EPM2A: variants seen among roughly 807,000 people sequenced by gnomAD.
The protein encoded by EPM2A is EPM2A glucan phosphatase, laforin.
A neutral mutation model predicts 26.5 loss-of-function variants in EPM2A; 21 were observed. The observed-to-expected ratio is 0.79, with a 90% CI of 0.56 to 1.14. EPM2A has a LOEUF of 1.14. Among genes scored for constraint, EPM2A ranks in the 50% most tolerant of loss-of-function variants. The pLI is 0.00. For missense variants in EPM2A, 458 were observed against 440.8 expected (o/e 1.04, Z -0.35); for synonymous variants, 217 against 177.6 (o/e 1.22, Z -1.76).
chr6:145,652,023 C>G (rs1777919039), intron 2 of EPM2A, among the ~76,000 whole-genome samples: 1 of 152,060 alleles, frequency 6.6e-6, no homozygotes, highest in Admixed American at 6.6e-5. Flanking sequence ...CTAAATAATT[C>G]AATTTTCTGA....
intron 2 of EPM2A, among the ~76,000 whole-genome samples, chr6:145,668,850 C>A (rs532134713): frequency 6.6e-6 from 1 of 152,286 alleles, no homozygotes; most frequent in South Asian, 2.1e-4. Context: ...CTATTTTCAT[C>A]AGTGTGGATC....
At chr6:145,572,261 C>T (rs1187411506) in intron 2 of EPM2A, among the ~76,000 whole-genome samples, 1 of 152,178 alleles carries the variant, frequency 6.6e-6, no homozygotes, top group African/African-American at 2.4e-5. Context: ...GTGAACCAGA[C>T]CCTAGTCTTC....
At chr6:145,603,257 A>G (rs1019549199) in intron 2 of EPM2A, among the ~76,000 whole-genome samples, 1 of 150,192 alleles carries the variant, frequency 6.7e-6, no homozygotes, top group Non-Finnish European at 1.5e-5. Flanking sequence ...ACTACTTAGA[A>G]GAGAATCTGT....
At chr6:145,567,763 T>C (rs1449971443) in intron 2 of EPM2A, among the ~76,000 whole-genome samples, 6 of 152,234 alleles carry the variant, frequency 3.9e-5, no homozygotes, top group African/African-American at 1.2e-4. Flanking sequence ...AGCAAGATCA[T>C]GCCAAAGAAA....
chr6:145,676,613 A>G (rs1278004749), intron 2 of EPM2A, among the ~76,000 whole-genome samples: 1 of 152,058 alleles, frequency 6.6e-6, no homozygotes, highest in Non-Finnish European at 1.5e-5. Flanking sequence ...ACCGATCCCA[A>G]AAAAATACAA....
At chr6:145,609,285 A>C (rs1775339860) in intron 2 of EPM2A, among the ~76,000 whole-genome samples, 1 of 152,198 alleles carries the variant, frequency 6.6e-6, no homozygotes, top group South Asian at 2.1e-4. Context: ...AGCCGCCAAT[A>C]ATCTTGGAAC....
intron 1 of EPM2A, among the ~76,000 whole-genome samples, chr6:145,701,685 A>C (rs1781918810): frequency 6.6e-6 from 1 of 152,194 alleles, no homozygotes; most frequent in African/African-American, 2.4e-5. Context: ...AGTGGAGAGA[A>C]ACAAATAATG....
At chr6:145,678,266 C>G (rs1397244312) in intron 2 of EPM2A, among the ~76,000 whole-genome samples, 1 of 150,738 alleles carries the variant, frequency 6.6e-6, no homozygotes, top group African/African-American at 2.4e-5. Flanking sequence ...TACACATTGA[C>G]TTAAATGTTA....
chr6:145,662,685 A>T (rs535570082), intron 2 of EPM2A, among the ~76,000 whole-genome samples: 1 of 152,296 alleles, frequency 6.6e-6, no homozygotes, highest in East Asian at 1.9e-4. Flanking sequence ...TTCTGGCTAA[A>T]CCTATCCACA....
chr6:145,644,957 T>C (rs1345193023), intron 2 of EPM2A, among the ~76,000 whole-genome samples: 1 of 152,182 alleles, frequency 6.6e-6, no homozygotes, highest in African/African-American at 2.4e-5. Context: ...AATTAGCAAT[T>C]AGACATGTAG....
intron 2 of EPM2A, among the ~76,000 whole-genome samples, chr6:145,561,910 G>A (rs1257317148): frequency 6.6e-6 from 1 of 152,062 alleles, no homozygotes; most frequent in Non-Finnish European, 1.5e-5. Flanking sequence ...TGGGTGGAGG[G>A]CAAGAGGAGG....
At chr6:145,542,847 C>G (rs561492165) in intron 2 of EPM2A, among the ~76,000 whole-genome samples, 1 of 152,320 alleles carries the variant, frequency 6.6e-6, no homozygotes, top group African/African-American at 2.4e-5. Flanking sequence ...CAACCTCTGC[C>G]TCCTGGGTTC....
At chr6:145,598,740 T>C (rs1781380774) in intron 2 of EPM2A, among the ~76,000 whole-genome samples, 1 of 152,204 alleles carries the variant, frequency 6.6e-6, no homozygotes, top group Non-Finnish European at 1.5e-5. Context: ...TAATTTTGGC[T>C]TTTACAATTA....
At chr6:145,563,330 G>A (rs1473754564) in intron 2 of EPM2A, among the ~76,000 whole-genome samples, 2 of 151,952 alleles carry the variant, frequency 1.3e-5, no homozygotes, top group African/African-American at 2.4e-5. Context: ...TGAGACCGAA[G>A]GATGAAAGAA....
At chr6:145,463,948 T>C (rs1208077808) in intron 4 of EPM2A, among the ~76,000 whole-genome samples, 1 of 151,652 alleles carries the variant, frequency 6.6e-6, no homozygotes, top group Non-Finnish European at 1.5e-5. Flanking sequence ...TGGTGGGAGG[T>C]GATTGGATCA....
intron 4 of EPM2A, among the ~76,000 whole-genome samples, chr6:145,470,043 G>A (rs909202209): frequency 6.6e-6 from 1 of 152,088 alleles, no homozygotes; most frequent in African/African-American, 2.4e-5. Flanking sequence ...GGTAGGGGTA[G>A]GGGGAATGGG....
At chr6:145,512,569 G>A (rs370369305) in intron 2 of EPM2A, among the ~76,000 whole-genome samples, 8 of 151,584 alleles carry the variant, frequency 5.3e-5, no homozygotes, top group African/African-American at 1.5e-4. Flanking sequence ...AAAATTAGCC[G>A]GCTGTGGTGG....
In EPM2A at chr6:145,654,194, A is replaced by ATT. The variant is rs55978408; in HGVS notation, c.477-18710_477-18709dup. Among the ~76,000 whole-genome samples, 948 of 148,164 alleles carry ATT rather than the reference A, an allele frequency of 6.4e-3. 9 individuals carry two copies. The highest frequency in any genetic ancestry group is 0.019 in the African/African-American group (772 of 40,388). On this transcript the variant is annotated intron_variant, in intron 2 of 3. Coordinates refer to ENST00000367519, the MANE Select transcript of EPM2A (RefSeq NM_005670.4). ...TAACATTTTCTACATAGACTATGCA[A>ATT]TTTTTTTTTTTTTGAGACAGAGTTT... is the stretch of plus-strand genomic sequence containing the variant.
At chr6:145,630,522 G>C (rs559261444) in intron 3 of EPM2A, 1 of 152,246 alleles carries the variant, frequency 6.6e-6, no homozygotes, top group South Asian at 2.1e-4. Context: ...GGCTGAGGCA[G>C]GGGAATTGCT....
Sources: allele counts gnomAD v4.1 joint callset (sites outside exome capture counted in the v4.1 genomes callset), GRCh38; gene constraint gnomAD v4.1.1; transcripts MANE v1.5; gene names NCBI Gene and HGNC (gene_info 2026-07-23, HGNC 2026-07-21).